Variants in USP6NL observed in about 807,000 individuals in gnomAD.
USP6NL encodes the protein USP6 N-terminal like, also known as USP6 N-terminal-like protein.
USP6NL carries 26 observed loss-of-function variants against 61.9 expected under a neutral mutation model. The observed-to-expected ratio is 0.42, with a 90% CI of 0.31 to 0.58. USP6NL has a LOEUF of 0.58. USP6NL is among the 20% of genes least tolerant of loss of function. USP6NL has a pLI of 0.16. For synonymous variants in USP6NL, 432 were observed against 390.1 expected (o/e 1.11, Z -1.27); for missense variants, 1,114 against 1,034.3 (o/e 1.08, Z -1.06).
chr10:11,503,021 A>T (rs187626288), intron 6 of USP6NL, among the ~76,000 whole-genome samples: 1 of 152,324 alleles, frequency 6.6e-6, no homozygotes. Context: ...TTGTTTTCCC[A>T]AAGGAAGTTA....
intron 14 of USP6NL, among the ~76,000 whole-genome samples, chr10:11,477,690 T>C (rs1350229092): frequency 1.3e-5 from 2 of 152,158 alleles, no homozygotes; most frequent in African/African-American, 4.8e-5. Context: ...AAATGTTAAG[T>C]AAAATGTTAG....
chr10:11,462,930 A>T lies in USP6NL; in HGVS notation c.1998T>A (p.Pro666=), dbSNP rs374384184. Residue 666 remains proline, a synonymous_variant, in exon 15 of 15, where the codon CCT becomes CCA. Transcript: ENST00000609104. ...GAGTAGAACCATGAGGTCTCCTGGA[A>T]GGATTCAGTTGAGTCCCAGGGCTAA... ...PQFSPGTQLN[P]SRRPHGSTLS... 82 of 1,613,622 alleles carry T rather than the reference A, an allele frequency of 5.1e-5. No homozygotes were observed. The highest frequency in any genetic ancestry group is 6.6e-5 in the Non-Finnish European group (78 of 1,179,692).
intron 6 of USP6NL, among the ~76,000 whole-genome samples, chr10:11,503,399 T>G (rs1362776632): frequency 6.6e-6 from 1 of 152,202 alleles, no homozygotes; most frequent in Admixed American, 6.5e-5. Context: ...ATCATTTATC[T>G]TAAAGTTAAA....
intron 1 of USP6NL, among the ~76,000 whole-genome samples, chr10:11,603,903 T>C (rs1223815802): frequency 1.3e-5 from 2 of 152,138 alleles, no homozygotes; most frequent in Admixed American, 6.5e-5. Flanking sequence ...AAAATTCCTG[T>C]AGGATGTCAA....
In USP6NL at chr10:11,487,383, C is replaced by T. The variant is rs1833514884; in HGVS notation, c.665-1472G>A. Among the ~76,000 whole-genome samples the T allele has an allele frequency of 2.0e-5, 3 of 152,172 alleles. No individual in the cohort carries two copies. The highest frequency in any genetic ancestry group is 2.0e-4 in the Admixed American group (3 of 15,282). ...TGACCCTTAATAATGAGCCAAACTACATTCTAAGTAGTTAGGATAGTAGAA... is the reference window on the plus strand; with the variant it reads ...TGACCCTTAATAATGAGCCAAACTATATTCTAAGTAGTTAGGATAGTAGAA... On this transcript the variant is annotated intron_variant, in intron 10 of 14. Transcript: ENST00000609104. The surrounding 1 kb of genome is among the most constrained non-coding windows in gnomAD (Gnocchi z 4.2).
Position 11,510,193 on chromosome 10 carries a change from A to C in USP6NL, c.196-518T>G, listed in dbSNP as rs757859874. ...AAACTAAGTACTAGTTGCTGCCCTA[A>C]AGAAATTTGACCAGGTGCTAAGGAC... On this transcript the variant is annotated intron_variant, in intron 5 of 14. Transcript: ENST00000609104. The surrounding 1 kb of genome is among the most constrained non-coding windows in gnomAD (Gnocchi z 4.8). Among the ~76,000 whole-genome samples the C allele has an allele frequency of 2.0e-4, 31 of 152,166 alleles. No homozygotes were observed. The highest frequency in any genetic ancestry group is 3.7e-4 in the Non-Finnish European group (25 of 68,044).
intron 2 of USP6NL, among the ~76,000 whole-genome samples, chr10:11,543,636 ATAACAG>A (rs1399631488): frequency 6.6e-6 from 1 of 152,060 alleles, no homozygotes; most frequent in African/African-American, 2.4e-5. Context: ...TTCGAGAAAA[ATAACAG>A]TAGTAGAATG....
rs12354448 is a variant in USP6NL at position 11,487,869 on chromosome 10, G to A, written c.664+1233C>T. On this transcript the variant is annotated intron_variant, in intron 10 of 14. Transcript: ENST00000609104. The surrounding 1 kb of genome is among the most constrained non-coding windows in gnomAD (Gnocchi z 4.2). Reference sequence around the variant, plus strand: ...CAGAGTGTGAGACTTCACAAACAATGGGCTATAGAAAGTCATAATTTTGAA... The same window carrying A: ...CAGAGTGTGAGACTTCACAAACAATAGGCTATAGAAAGTCATAATTTTGAA... Among the ~76,000 whole-genome samples, 34,184 of 151,920 alleles carry A rather than the reference G, an allele frequency of 0.23. 4,432 individuals are homozygous for A. The highest frequency in any genetic ancestry group is 0.59 in the East Asian group (3,038 of 5,158).
chr10:11,572,416 G>T (rs1305216455), intron 2 of USP6NL, among the ~76,000 whole-genome samples: 1 of 151,728 alleles, frequency 6.6e-6, no homozygotes, highest in Admixed American at 6.6e-5. Flanking sequence ...AAAGGTAAAT[G>T]ACAACAGTCT....
rs956523075 is a variant in USP6NL, at chr10:11,595,098, C to A, written c.4+2533G>T. 1.3e-5 allele frequency among the ~76,000 whole-genome samples: 2 copies of A among 152,152 alleles called. No homozygotes were observed. The highest frequency in any genetic ancestry group is 2.9e-5 in the Non-Finnish European group (2 of 68,028). On this transcript the variant is annotated intron_variant, in intron 2 of 14. Coordinates refer to ENST00000609104, the MANE Select transcript of USP6NL (RefSeq NM_014688.5). This position sits in a 1 kb window ranked among gnomAD's most constrained non-coding sequence, Gnocchi z 5.3. ...TGAAGTGGGAAGTAAGGCGTTAAGTCCCCGATGGCATTGTTCTTTCTCTGT... is the reference window on the plus strand; with the variant it reads ...TGAAGTGGGAAGTAAGGCGTTAAGTACCCGATGGCATTGTTCTTTCTCTGT...
At chr10:11,506,709 A>G (rs1591859346) in intron 6 of USP6NL, among the ~76,000 whole-genome samples, 1 of 150,664 alleles carries the variant, frequency 6.6e-6, no homozygotes, top group Non-Finnish European at 1.5e-5. Context: ...GTGAGAACAG[A>G]GGCAACACAA....
At chr10:11,564,607 A>G (rs1457736893) in intron 2 of USP6NL, 4 of 152,232 alleles carry the variant, frequency 2.6e-5, no homozygotes, top group Admixed American at 1.3e-4. Flanking sequence ...ACGACCCTCT[A>G]GAAAATAATC....
At chr10:11,541,593 T>C (rs1836070708) in intron 2 of USP6NL, among the ~76,000 whole-genome samples, 1 of 152,100 alleles carries the variant, frequency 6.6e-6, no homozygotes, top group Admixed American at 6.6e-5. Context: ...ACAAGGATCC[T>C]CTAGCATTAA....
In USP6NL at chr10:11,511,734, G is replaced by A. The variant is rs1834722032; in HGVS notation, c.196-2059C>T. On this transcript the variant is annotated intron_variant, in intron 5 of 14. Transcript: ENST00000609104. This position sits in a 1 kb window ranked among gnomAD's most constrained non-coding sequence, Gnocchi z 4.9. ...AATGCTATACATTCCCACGCTGCAA[G>A]AACAAAACACACACATACACATACA... 3.3e-5 allele frequency among the ~76,000 whole-genome samples: 5 copies of A among 151,340 alleles called. No homozygotes were observed. In the South Asian group the frequency reaches 8.3e-4, roughly 25 times the overall value.
At chr10:11,601,262 C>T (rs926126389) in intron 1 of USP6NL, among the ~76,000 whole-genome samples, 1 of 152,066 alleles carries the variant, frequency 6.6e-6, no homozygotes, top group East Asian at 1.9e-4. Context: ...TACACACACA[C>T]GTAAAGATAC....
chr10:11,609,380 C>A (rs1269597896), intron 1 of USP6NL, among the ~76,000 whole-genome samples: 2 of 152,062 alleles, frequency 1.3e-5, no homozygotes, highest in African/African-American at 4.8e-5. Flanking sequence ...CTATGCTTTT[C>A]AAAAATCACA....
chr10:11,515,074 C>T (rs11257143), intron 5 of USP6NL, among the ~76,000 whole-genome samples: 8 of 152,162 alleles, frequency 5.3e-5, no homozygotes, highest in African/African-American at 1.9e-4. Flanking sequence ...CAAAGAAGGT[C>T]GAAGGATTAA....
At chr10:11,569,621 G>C (rs2133565346) in intron 2 of USP6NL, among the ~76,000 whole-genome samples, 2 of 152,302 alleles carry the variant, frequency 1.3e-5, no homozygotes, top group Middle Eastern at 6.8e-3. Flanking sequence ...TGATCGATAA[G>C]GAATGTGACT....
At chr10:11,552,080 A>G (rs2133492320) in intron 2 of USP6NL, among the ~76,000 whole-genome samples, 1 of 152,324 alleles carries the variant, frequency 6.6e-6, no homozygotes, top group South Asian at 2.1e-4. Flanking sequence ...AATTCCCACT[A>G]CACTATACTT....
Sources: gnomAD v4.1 joint callset for allele counts (sites outside exome capture counted in the v4.1 genomes callset) on GRCh38, gnomAD v4.1.1 for gene constraint, Gnocchi (gnomAD v3.1) non-coding constraint, MANE v1.5 for transcripts, NCBI Gene and HGNC (gene_info 2026-07-23, HGNC 2026-07-21) for gene names.